Variants in ADGRL3 observed in about 807,000 individuals in gnomAD.
ADGRL3 encodes adhesion G protein-coupled receptor L3.
A neutral mutation model predicts 153.5 loss-of-function variants in ADGRL3; 62 were observed. The ratio of observed to expected loss-of-function variants is 0.40; its 90% CI spans 0.33 to 0.50. ADGRL3 has a LOEUF of 0.50. Ranked by LOEUF, ADGRL3 falls within the 20% of genes least tolerant of loss-of-function variation. The pLI, the probability that ADGRL3 is intolerant of heterozygous loss-of-function variation, is 0.47. For missense variants in ADGRL3, 1,641 were observed against 1,859.4 expected (o/e 0.88, Z 2.16); for synonymous variants, 710 against 672.5 (o/e 1.06, Z -0.86).
chr4:61,938,401 T>G (rs182243753), intron 15 of ADGRL3, among the ~76,000 whole-genome samples: 2 of 152,196 alleles, frequency 1.3e-5, no homozygotes, highest in Non-Finnish European at 2.9e-5. Context: ...TTAACACTTG[T>G]AGATTAGATA....
At chr4:61,476,682 C>T (rs932310177) in intron 2 of ADGRL3, among the ~76,000 whole-genome samples, 17 of 135,148 alleles carry the variant, frequency 1.3e-4, no homozygotes, top group Admixed American at 1.0e-3. Flanking sequence ...GCACTTCAGC[C>T]TGGGCAACAA....
At chr4:61,623,039 T>C (rs534271299) in intron 5 of ADGRL3, among the ~76,000 whole-genome samples, 1 of 152,208 alleles carries the variant, frequency 6.6e-6, no homozygotes, top group East Asian at 1.9e-4. Context: ...GACCGATAAA[T>C]AGAAAATGGT....
At chr4:61,226,104 C>T (rs1367204395) in intron 1 of ADGRL3, among the ~76,000 whole-genome samples, 1 of 152,000 alleles carries the variant, frequency 6.6e-6, no homozygotes, top group Non-Finnish European at 1.5e-5. Flanking sequence ...GTCACTTTGC[C>T]CAACTTAAAT....
intron 11 of ADGRL3, among the ~76,000 whole-genome samples, chr4:61,907,143 C>T (rs1308314892): frequency 1.3e-5 from 2 of 151,998 alleles, no homozygotes; most frequent in Non-Finnish European, 2.9e-5. Context: ...AGGGTGAGTC[C>T]GCAGTGCAAA....
chr4:61,744,531 A>G (rs188183193), intron 8 of ADGRL3, among the ~76,000 whole-genome samples: 5 of 152,246 alleles, frequency 3.3e-5, no homozygotes, highest in Non-Finnish European at 7.4e-5. Context: ...CAGAGGAGCT[A>G]TCAGGCAGCA....
intron 9 of ADGRL3, among the ~76,000 whole-genome samples, chr4:61,820,110 A>G (rs963950520): frequency 6.6e-6 from 1 of 152,106 alleles, no homozygotes; most frequent in Admixed American, 6.5e-5. Flanking sequence ...GATAGTGTTC[A>G]TTTGAATTAT....
chr4:61,346,342 C>CA (rs2095906851), intron 1 of ADGRL3, among the ~76,000 whole-genome samples: 1 of 150,112 alleles, frequency 6.7e-6, no homozygotes, highest in Non-Finnish European at 1.5e-5. Context: ...CACACACACA[C>CA]AGCTCTGTCA....
chr4:61,807,162 G>A (rs778152009), intron 8 of ADGRL3, among the ~76,000 whole-genome samples: 4 of 151,866 alleles, frequency 2.6e-5, no homozygotes, highest in Non-Finnish European at 5.9e-5. Context: ...TTTATTTTCA[G>A]TACTTGGTAT....
chr4:61,958,284 G>C (rs1005119305), intron 17 of ADGRL3, among the ~76,000 whole-genome samples: 5 of 152,110 alleles, frequency 3.3e-5, no homozygotes, highest in Admixed American at 1.3e-4. Context: ...TATGGTATAA[G>C]ACCTCTTACA....
intron 4 of ADGRL3, among the ~76,000 whole-genome samples, chr4:61,519,617 T>C (rs1200855475): frequency 6.6e-6 from 1 of 152,178 alleles, no homozygotes; most frequent in Non-Finnish European, 1.5e-5. Context: ...AGGGGCATAA[T>C]CTTTCCTAAT....
intron 17 of ADGRL3, among the ~76,000 whole-genome samples, chr4:61,976,993 T>A (rs556350443): frequency 6.6e-6 from 1 of 152,280 alleles, no homozygotes; most frequent in East Asian, 1.9e-4. Flanking sequence ...TGCTAAACAG[T>A]CATACTTAAA....
At chr4:61,270,748 G>A (rs928562244) in intron 1 of ADGRL3, among the ~76,000 whole-genome samples, 2 of 151,612 alleles carry the variant, frequency 1.3e-5, no homozygotes, top group Non-Finnish European at 3.0e-5. Flanking sequence ...TACATATGGA[G>A]TCTACTGCTT....
chr4:61,439,797 G>C lies in ADGRL3; in HGVS notation c.-174+56608G>C, dbSNP rs1467034959. On this transcript the variant is annotated intron_variant, in intron 2 of 26. Coordinates refer to ENST00000683033, the MANE Select transcript of ADGRL3 (RefSeq NM_001387552.1). The stretch of plus-strand genomic sequence containing the variant: ...CTGTTTATTTTAATAAGATGACCTT[G>C]GAAGTATAGATTTTAGAAAGCATTA... Among the ~76,000 whole-genome samples the C allele has an allele frequency of 3.9e-5, 6 of 152,146 alleles. No individual in the cohort carries two copies. The South Asian group carries it at 1.2e-3, about 32-fold the overall frequency.
intron 2 of ADGRL3, among the ~76,000 whole-genome samples, chr4:61,480,389 TTTG>T (rs2098118900): frequency 6.6e-6 from 1 of 152,190 alleles, no homozygotes; most frequent in Admixed American, 6.5e-5. Context: ...TGAATAATAT[TTTG>T]TTGTCTAAAT....
intron 1 of ADGRL3, among the ~76,000 whole-genome samples, chr4:61,351,174 A>C (rs2096040639): frequency 6.6e-6 from 1 of 152,248 alleles, no homozygotes; most frequent in South Asian, 2.1e-4. Flanking sequence ...AAATCAAGGC[A>C]GCCACAGTAT....
chr4:62,073,891 C>T lies in ADGRL3; in HGVS notation c.*2983C>T, dbSNP rs1577788787. 1 of 152,074 alleles carries T rather than the reference C, an allele frequency of 6.6e-6. No homozygotes were observed. The highest frequency in any genetic ancestry group is 1.9e-4 in the East Asian group (1 of 5,164). The allele number at this position is 152,074 out of a possible 1,614,324, so 9.4% of individuals were successfully genotyped here. A position where few individuals can be genotyped will look rare whatever the true frequency, so the allele number is the denominator to read the frequency against. On this transcript the variant is annotated 3_prime_UTR_variant, in exon 27 of 27. Transcript: ENST00000683033. Reference sequence around the variant, plus strand: ...AGATTATAACAGAGAGAAATTTCCCCTGCAAGTATTATGTAACCGTAATTA... The same window carrying T: ...AGATTATAACAGAGAGAAATTTCCCTTGCAAGTATTATGTAACCGTAATTA...
chr4:61,442,933 G>A (rs1218142494), intron 2 of ADGRL3, among the ~76,000 whole-genome samples: 1 of 152,140 alleles, frequency 6.6e-6, no homozygotes, highest in East Asian at 1.9e-4. Context: ...TCAAGCCACT[G>A]ACTGCTGTGG....
chr4:61,659,993 T>C (rs935736601), intron 5 of ADGRL3, among the ~76,000 whole-genome samples: 2 of 151,184 alleles, frequency 1.3e-5, no homozygotes, highest in Non-Finnish European at 1.5e-5. Flanking sequence ...TGATTGGATA[T>C]TGGGGGGACA....
Position 61,775,731 on chromosome 4 carries a change from T to G in ADGRL3, c.1400-38078T>G. On this transcript the variant is annotated intron_variant, in intron 8 of 26. Transcript: ENST00000683033. ...GGTGGGCTTGGTGCTTGTCTAAGCC[T>G]TTGGTAGCTTCATGAATTCCACGTG... The G allele has an allele frequency of 2.9e-6, 3 of 1,039,094 alleles. No homozygotes were observed. In the South Asian group the frequency reaches 3.8e-5, roughly 13 times the overall value. The allele number at this position is 1,039,094 out of a possible 1,614,324, so 64.4% of individuals were successfully genotyped here.
Sources: allele counts gnomAD v4.1 joint callset (sites outside exome capture counted in the v4.1 genomes callset), GRCh38; gene constraint gnomAD v4.1.1; transcripts MANE v1.5; gene names NCBI Gene and HGNC (gene_info 2026-07-23, HGNC 2026-07-21).